Variants in PM20D1 observed in about 807,000 individuals in gnomAD.
PM20D1 encodes N-fatty-acyl-amino acid synthase/hydrolase PM20D1.
In PM20D1, 53 loss-of-function variants were observed where a neutral mutation model predicts 53.8. The ratio of observed to expected loss-of-function variants is 0.98; its 90% CI spans 0.79 to 1.24. The LOEUF (loss-of-function observed/expected upper bound fraction) is 1.24, where lower values mean the gene tolerates loss of function less well. Among genes scored for constraint, PM20D1 ranks in the 50% most tolerant of loss-of-function variants. PM20D1 has a pLI of 0.00. For missense variants in PM20D1, 564 were observed against 616.8 expected, an observed-to-expected ratio of 0.91 and a Z score of 0.91; for synonymous variants, 239 against 241.3, an observed-to-expected ratio of 0.99 and a Z score of 0.09.
At chr1:205,836,548 C>T (rs887565660) in intron 10 of PM20D1, among the ~76,000 whole-genome samples, 51 of 152,180 alleles carry the variant, frequency 3.4e-4, no homozygotes, top group Admixed American at 2.4e-3. Flanking sequence ...TGCTCTGTCA[C>T]CCAGGCTGGA....
intron 6 of PM20D1, 79 bp from the exon 7 acceptor site, chr1:205,842,830 T>G: frequency 1.5e-6 from 2 of 1,337,522 alleles, no homozygotes; most frequent in South Asian, 1.2e-5. Flanking sequence ...AGAAGGGAGA[T>G]AGGAGGAAGT....
rs200391544 is a variant in PM20D1, at chr1:205,832,771, A to G, written c.1117-5T>C. On this transcript the variant is annotated splice_polypyrimidine_tract_variant and splice_region_variant and intron_variant, in intron 10 of 12. Coordinates refer to ENST00000367136, the MANE Select transcript of PM20D1 (RefSeq NM_152491.5). ...GTTCTTCGTGAGTTCTAGGACCTCC[A>G]GGGTAGAAACAAAGGGGGTTCGATT... 2.0e-4 allele frequency: 317 copies of G among 1,573,286 alleles called. No individual in the cohort carries two copies. The highest frequency in any genetic ancestry group is 2.5e-4 in the Non-Finnish European group (294 of 1,159,592).
intron 11 of PM20D1, among the ~76,000 whole-genome samples, chr1:205,831,565 CCTTT>C (rs1176473762): frequency 4.3e-5 from 5 of 117,374 alleles, no homozygotes; most frequent in Non-Finnish European, 9.0e-5. Flanking sequence ...ACGTCTCTCT[CCTTT>C]TTTTTTTTTT....
rs568916644 is a variant in PM20D1, at chr1:205,847,709, C to T, written c.256+176G>A. Reference sequence around the variant, plus strand: ...TGGCTGGATGAACTCTCAATCTTTGCCCTACATATGGTGGCTTAGTTTTTC... The same window carrying T: ...TGGCTGGATGAACTCTCAATCTTTGTCCTACATATGGTGGCTTAGTTTTTC... On this transcript the variant is annotated intron_variant, in intron 2 of 12. Transcript: ENST00000367136. Among the ~76,000 whole-genome samples the T allele has an allele frequency of 5.9e-5, 9 of 151,870 alleles. No individual in the cohort carries two copies. The South Asian group carries it at 1.9e-3, about 32-fold the overall frequency.
chr1:205,845,176 AG>A (rs1449367494), intron 3 of PM20D1, 148 bp downstream of exon 3: 2 of 793,628 alleles, frequency 2.5e-6, no homozygotes, highest in African/African-American at 3.5e-5. Context: ...GGCCCAGAGA[AG>A]GGAAGTGACA....
chr1:205,844,187 C>T lies in PM20D1; in HGVS notation c.607G>A (p.Ala203Thr), dbSNP rs760018708. Residue 203 changes from alanine to threonine, a missense_variant, in exon 5 of 13, where the codon GCC becomes ACC. Ala to Thr is a moderately conservative substitution (Grantham distance 58). Transcript: ENST00000367136. ...TGGACGCCCCTTGACTGTAGCAGGG[C>T]TGAGATCCTCTGAGCCCCTGTCCCT... is the stretch of plus-strand genomic sequence containing the variant. ...SSGTGAQRIS[A>T]LLQSRGVQLA... 2.5e-5 allele frequency: 40 copies of T among 1,613,310 alleles called. No homozygotes were observed. Among genetic ancestry groups the T allele is most frequent in the Admixed American group, 5.0e-5 (3 of 59,880 alleles).
chr1:205,834,750 G>A (rs1336007391), intron 10 of PM20D1, among the ~76,000 whole-genome samples: 1 of 152,162 alleles, frequency 6.6e-6, no homozygotes, highest in African/African-American at 2.4e-5. Context: ...TGTGCCCACT[G>A]CCCCAAATTC....
chr1:205,847,635 A>C (rs941229501), intron 2 of PM20D1, among the ~76,000 whole-genome samples: 22 of 152,054 alleles, frequency 1.4e-4, no homozygotes, highest in African/African-American at 4.6e-4. Context: ...CATTTATTGA[A>C]TGACACACAT....
At chr1:205,829,363 C>T (rs1656509209) in intron 12 of PM20D1, among the ~76,000 whole-genome samples, 1 of 152,074 alleles carries the variant, frequency 6.6e-6, no homozygotes, top group Non-Finnish European at 1.5e-5. Context: ...TCTCTTAGGA[C>T]AGAATGCCTA....
At chr1:205,829,973 C>T (rs779437432) in intron 12 of PM20D1, 5 of 264,484 alleles carry the variant, frequency 1.9e-5, no homozygotes, top group Non-Finnish European at 3.6e-5. Flanking sequence ...AGGATAAGCC[C>T]TCTCCCAAAG....
chr1:205,834,156 C>CTT (rs34037383), intron 10 of PM20D1, among the ~76,000 whole-genome samples: 1,560 of 126,562 alleles, frequency 0.012, 43 homozygotes, highest in African/African-American at 0.044. Flanking sequence ...CCAAGAGTAC[C>CTT]TTTTTTTTTT....
chr1:205,837,816 A>G (rs972293142), intron 10 of PM20D1, among the ~76,000 whole-genome samples: 2 of 152,114 alleles, frequency 1.3e-5, no homozygotes, highest in Non-Finnish European at 2.9e-5. Flanking sequence ...AGCTGGGTGG[A>G]AAACAGCCCT....
At chr1:205,834,007 C>G (rs1159014775) in intron 10 of PM20D1, among the ~76,000 whole-genome samples, 10 of 146,350 alleles carry the variant, frequency 6.8e-5, no homozygotes, top group East Asian at 6.2e-4. Flanking sequence ...ACCACTATGC[C>G]TGACTAATTT....
rs1431163421 is a variant in PM20D1 at position 205,841,893 on chromosome 1, A to G, written c.966-4T>C. ...TAAGGGATTTCTCTCCATAAACCTA[A>G]AACAAAAGGACCAAGGTCAGATGTT... On this transcript the variant is annotated splice_region_variant and splice_polypyrimidine_tract_variant and intron_variant, in intron 8 of 12. Transcript: ENST00000367136. 2 of 1,556,810 alleles carry G rather than the reference A, an allele frequency of 1.3e-6. No individual in the cohort carries two copies. Among genetic ancestry groups the G allele is most frequent in the Non-Finnish European group, 1.7e-6 (2 of 1,148,892 alleles).
intron 11 of PM20D1, among the ~76,000 whole-genome samples, chr1:205,831,040 T>C (rs1040021299): frequency 6.6e-6 from 1 of 152,238 alleles, no homozygotes; most frequent in Non-Finnish European, 1.5e-5. Flanking sequence ...TTTCCTGTTA[T>C]TCTCATCCTC....
Position 205,838,780 on chromosome 1 carries a change from C to T in PM20D1, c.1116+1472G>A, listed in dbSNP as rs186994596. Among the ~76,000 whole-genome samples, 48 of 152,306 alleles carry T rather than the reference C, an allele frequency of 3.2e-4. 1 individual carries two copies. The highest frequency in any genetic ancestry group is 3.1e-3 in the Admixed American group (48 of 15,300). ...TAATTTCTGAATTCCCAATCTTAGTCAAAGGCATTAACTACTTGGTCAACT... is the reference window on the plus strand; with the variant it reads ...TAATTTCTGAATTCCCAATCTTAGTTAAAGGCATTAACTACTTGGTCAACT... On this transcript the variant is annotated intron_variant, in intron 10 of 12. Coordinates refer to ENST00000367136, the MANE Select transcript of PM20D1 (RefSeq NM_152491.5).
intron 1 of PM20D1, among the ~76,000 whole-genome samples, chr1:205,848,508 G>T (rs1657054643): frequency 1.3e-5 from 2 of 152,130 alleles, no homozygotes; most frequent in Admixed American, 6.5e-5. Flanking sequence ...TGCCTGGGAA[G>T]GGGTGGATTT....
rs749914843 is a variant in PM20D1 at position 205,843,668 on chromosome 1, G to A, written c.826C>T (p.Arg276Ter). Residue 276 changes from arginine to a stop codon, truncating the protein, a stop_gained and splice_region_variant, in exon 6 of 13, where the codon CGA becomes TGA. Transcript: ENST00000367136. LOFTEE classifies it high-confidence loss of function. ...SIGILAAAVS[R>*]LEQTPMPIIF... ...GGAACAGGGCCAGGAGTTGCTTACC[G>A]GCTGACAGCAGCTGCAAGGATGCCA... 3.1e-5 allele frequency: 50 copies of A among 1,613,366 alleles called. No homozygotes were observed. The highest frequency in any genetic ancestry group is 6.7e-5 in the African/African-American group (5 of 75,008).
rs748135011 is a variant in PM20D1 at position 205,843,708 on chromosome 1, T to C, written c.786A>G (p.Pro262=). The C allele has an allele frequency of 4.3e-6, 7 of 1,614,028 alleles. No homozygotes were observed. The highest frequency in any genetic ancestry group is 2.2e-5 in the East Asian group (1 of 44,900). The part of the protein sequence containing the change: ...NMTSGHSSAP[P]KETSIGILAA... ...CAAGGATGCCAATGCTTGTCTCCTT[T>C]GGAGGAGCTGAAGAGTGGCCTGAAG... is the stretch of plus-strand genomic sequence containing the variant. Residue 262 remains proline (P), a synonymous_variant, in exon 6 of 13, where the codon CCA becomes CCG. Coordinates refer to ENST00000367136, the MANE Select transcript of PM20D1 (RefSeq NM_152491.5).
Sources: allele counts gnomAD v4.1 joint callset (sites outside exome capture counted in the v4.1 genomes callset), GRCh38; gene constraint gnomAD v4.1.1; transcripts MANE v1.5; gene names NCBI Gene and HGNC (gene_info 2026-07-23, HGNC 2026-07-21).